PDE4D: variants seen among roughly 807,000 people sequenced by gnomAD.
PDE4D encodes 3',5'-cyclic-AMP phosphodiesterase 4D.
PDE4D carries 24 observed loss-of-function variants against 87.4 expected under a neutral mutation model. The ratio of observed to expected loss-of-function variants is 0.27; its 90% CI spans 0.20 to 0.39. The LOEUF (loss-of-function observed/expected upper bound fraction) is 0.39, where lower values mean the gene tolerates loss of function less well. PDE4D is among the 10% of genes least tolerant of loss of function. The pLI, the probability that PDE4D is intolerant of heterozygous loss-of-function variation, is 1.00. For missense variants in PDE4D, 714 were observed against 1,041.0 expected (o/e 0.69, Z 4.32); for synonymous variants, 384 against 383.2 (o/e 1.00, Z -0.02).
At chr5:60,021,718 T>C (rs1055444289) in intron 2 of PDE4D, 1 of 152,190 alleles carries the variant, frequency 6.6e-6, no homozygotes, top group Non-Finnish European at 1.5e-5. Flanking sequence ...ACTAAGAATA[T>C]TGGTATTGAT....
At chr5:59,870,085 T>A (rs1487158160) in intron 1 of PDE4D, among the ~76,000 whole-genome samples, 1 of 152,230 alleles carries the variant, frequency 6.6e-6, no homozygotes, top group Non-Finnish European at 1.5e-5. Flanking sequence ...GAATTTTCCA[T>A]AAAGTCTCAT....
intron 1 of PDE4D, among the ~76,000 whole-genome samples, chr5:60,226,321 T>C (rs935846476): frequency 1.3e-5 from 2 of 152,044 alleles, no homozygotes; most frequent in Non-Finnish European, 2.9e-5. Flanking sequence ...TTGTGAACTA[T>C]AAAAACAAAG....
intron 1 of PDE4D, among the ~76,000 whole-genome samples, chr5:60,280,542 G>C (rs1029306698): frequency 6.6e-6 from 1 of 152,110 alleles, no homozygotes; most frequent in Non-Finnish European, 1.5e-5. Flanking sequence ...AAACAAGAGA[G>C]TAAGAAACAA....
intron 1 of PDE4D, among the ~76,000 whole-genome samples, chr5:59,596,861 G>A (rs1826756468): frequency 6.6e-6 from 1 of 152,078 alleles, no homozygotes; most frequent in Non-Finnish European, 1.5e-5. Context: ...TCAAGGTGGG[G>A]TTGAACCAAA....
Position 59,312,330 on chromosome 5 carries a change from G to A in PDE4D, c.456-96362C>T, listed in dbSNP as rs535190101. On this transcript the variant is annotated intron_variant, in intron 1 of 14. Coordinates refer to ENST00000340635, the MANE Select transcript of PDE4D (RefSeq NM_001104631.2). Reference sequence around the variant, plus strand: ...ACAAGAGGAAAGACAGACCATCTGCGGAGCAGCAATCCACTGTCGAAATGA... The same window carrying A: ...ACAAGAGGAAAGACAGACCATCTGCAGAGCAGCAATCCACTGTCGAAATGA... Among the ~76,000 whole-genome samples the A allele has an allele frequency of 6.6e-5, 10 of 152,306 alleles. No individual in the cohort carries two copies. In the East Asian group the frequency reaches 1.7e-3, roughly 27 times the overall value.
At chr5:60,006,444 C>A (rs958177150) in intron 2 of PDE4D, among the ~76,000 whole-genome samples, 1 of 151,746 alleles carries the variant, frequency 6.6e-6, no homozygotes, top group African/African-American at 2.4e-5. Flanking sequence ...GGTATCCCTG[C>A]AAGCAGAAGA....
chr5:59,638,455 A>AT (rs1381769377), intron 1 of PDE4D, among the ~76,000 whole-genome samples: 2 of 152,134 alleles, frequency 1.3e-5, no homozygotes, highest in Admixed American at 1.3e-4. Context: ...CAGATACTGT[A>AT]ATACCACCAT....
chr5:59,107,750 G>C (rs1036260010), intron 5 of PDE4D, among the ~76,000 whole-genome samples: 3 of 152,104 alleles, frequency 2.0e-5, no homozygotes, highest in African/African-American at 7.2e-5. Context: ...ACTTGTGTAG[G>C]CTCTTCTTGA....
chr5:59,349,628 C>T (rs1244237697), intron 1 of PDE4D, among the ~76,000 whole-genome samples: 1 of 152,028 alleles, frequency 6.6e-6, no homozygotes, highest in Non-Finnish European at 1.5e-5. Context: ...AATATTCATA[C>T]CTATTACCCA....
In PDE4D at chr5:60,423,730, A is replaced by AAT. The variant is rs571023977; in HGVS notation, c.-90+64211_-90+64212insAT. ...TGAAGGAGATAGAGACACACAAAAA[A>AAT]CCCTTCAAAAAATCAATGAATCCAG... On this transcript the variant is annotated intron_variant, in intron 1 of 16. Transcript: ENST00000502484. Among the ~76,000 whole-genome samples the AAT allele has an allele frequency of 5.9e-5, 9 of 152,286 alleles. No homozygotes were observed. The East Asian group carries it at 1.7e-3, about 29-fold the overall frequency.
At chr5:60,063,094 A>G (rs201781228) in intron 2 of PDE4D, among the ~76,000 whole-genome samples, 198 of 109,538 alleles carry the variant, frequency 1.8e-3, no homozygotes, top group African/African-American at 6.8e-3. Context: ...AAAGAAAGAA[A>G]GAAGAAAGAA....
At chr5:60,434,141 G>A (rs2150121041) in intron 1 of PDE4D, among the ~76,000 whole-genome samples, 1 of 152,260 alleles carries the variant, frequency 6.6e-6, no homozygotes, top group African/African-American at 2.4e-5. Flanking sequence ...CTTCATTTAA[G>A]AGATGACACT....
chr5:60,427,342 A>G (rs184493727), intron 1 of PDE4D, among the ~76,000 whole-genome samples: 6 of 152,334 alleles, frequency 3.9e-5, no homozygotes, highest in Non-Finnish European at 8.8e-5. Flanking sequence ...TTGAACAAGG[A>G]TAAGAATGAT....
intron 5 of PDE4D, among the ~76,000 whole-genome samples, chr5:59,092,145 T>C (rs1043562690): frequency 3.9e-5 from 6 of 152,318 alleles, no homozygotes; most frequent in African/African-American, 7.2e-5. Context: ...ATGTCAGAGT[T>C]CTTTATGATG....
chr5:59,134,853 T>C (rs1423050839), intron 5 of PDE4D, among the ~76,000 whole-genome samples: 1 of 152,202 alleles, frequency 6.6e-6, no homozygotes, highest in Non-Finnish European at 1.5e-5. Context: ...GCTCCAAATG[T>C]ATGAGCTCTA....
intron 1 of PDE4D, among the ~76,000 whole-genome samples, chr5:60,454,890 G>A (rs1746355789): frequency 6.6e-6 from 1 of 152,048 alleles, no homozygotes; most frequent in African/African-American, 2.4e-5. Flanking sequence ...ACATGAGCGG[G>A]GAGTGTAAAC....
intron 2 of PDE4D, among the ~76,000 whole-genome samples, chr5:60,100,453 G>A (rs1235173365): frequency 6.6e-6 from 1 of 151,982 alleles, no homozygotes; most frequent in African/African-American, 2.4e-5. Context: ...AAGAAAGGAA[G>A]GAGGGGAAGA....
At chr5:60,429,072 T>C (rs1743966375) in intron 1 of PDE4D, among the ~76,000 whole-genome samples, 1 of 152,180 alleles carries the variant, frequency 6.6e-6, no homozygotes, top group African/African-American at 2.4e-5. Context: ...AATGCCAAAT[T>C]TGTATGATAA....
intron 2 of PDE4D, among the ~76,000 whole-genome samples, chr5:60,091,777 G>T (rs1398272749): frequency 7.9e-5 from 12 of 152,100 alleles, no homozygotes; most frequent in African/African-American, 2.9e-4. Context: ...TGTGGGCCGG[G>T]CGCGGTGGCT....
Sources: allele counts gnomAD v4.1 joint callset (sites outside exome capture counted in the v4.1 genomes callset), GRCh38; gene constraint gnomAD v4.1.1; transcripts MANE v1.5; gene names NCBI Gene and HGNC (gene_info 2026-07-23, HGNC 2026-07-21).